The following INPP4B variants were observed in gnomAD, a reference collection of about 807,000 sequenced individuals.
INPP4B encodes the protein inositol polyphosphate-4-phosphatase type II B.
Under a neutral mutation model 122.5 loss-of-function variants are expected in INPP4B, and 55 were observed. The ratio of observed to expected loss-of-function variants is 0.45; its 90% confidence interval spans 0.36 to 0.56. The LOEUF is 0.56. Among genes scored for constraint, INPP4B ranks in the 20% least tolerant of loss-of-function variants. The probability of loss-of-function intolerance (pLI) is 0.00; values close to 1 mark genes in which losing one functional copy is unlikely to be tolerated. For missense variants in INPP4B, 1,000 were observed against 1,097.7 expected (o/e 0.91, Z 1.26); for synonymous variants, 403 against 388.7 (o/e 1.04, Z -0.43).
chr4:142,495,024 C>T (rs954491499), intron 2 of INPP4B, among the ~76,000 whole-genome samples: 1 of 152,116 alleles, frequency 6.6e-6, no homozygotes, highest in Non-Finnish European at 1.5e-5. Context: ...GGAAGGATAG[C>T]TTGGAAAGCA....
intron 7 of INPP4B, among the ~76,000 whole-genome samples, chr4:142,330,550 C>T (rs764057606): frequency 2.0e-5 from 3 of 152,064 alleles, no homozygotes; most frequent in East Asian, 1.9e-4. Context: ...CACACATACA[C>T]GCGCACGCAC....
intron 2 of INPP4B, among the ~76,000 whole-genome samples, chr4:142,671,164 A>G (rs1272864225): frequency 6.6e-6 from 1 of 152,132 alleles, no homozygotes; most frequent in Non-Finnish European, 1.5e-5. Context: ...GGCTTGTCAT[A>G]TGGAAAATCA....
In INPP4B at chr4:142,628,610, G is replaced by A. The variant is rs750609618; in HGVS notation, c.-191+97229C>T. On this transcript the variant is annotated intron_variant, in intron 2 of 25. Coordinates refer to ENST00000262992, the MANE Select transcript of INPP4B (RefSeq NM_001101669.3). Reference sequence around the variant, plus strand: ...TGTTCTTTGATTGTCACTTGCTACCGCACCATTTCCCTGCCATGATTATTC... The same window carrying A: ...TGTTCTTTGATTGTCACTTGCTACCACACCATTTCCCTGCCATGATTATTC... 1.1e-3 allele frequency among the ~76,000 whole-genome samples: 159 copies of A among 145,398 alleles called. 2 individuals are homozygous for A. The highest frequency in any genetic ancestry group is 1.5e-3 in the Non-Finnish European group (103 of 66,746).
At chr4:142,731,830 T>G (rs1766140570) in intron 1 of INPP4B, among the ~76,000 whole-genome samples, 1 of 151,920 alleles carries the variant, frequency 6.6e-6, no homozygotes, top group Non-Finnish European at 1.5e-5. Context: ...TAGGGTGCAT[T>G]AGTGGAGGAC....
At chr4:142,483,688 G>T (rs538187944) in intron 2 of INPP4B, among the ~76,000 whole-genome samples, 17 of 152,186 alleles carry the variant, frequency 1.1e-4, no homozygotes, top group African/African-American at 3.9e-4. Context: ...AACCAGAATA[G>T]ATTTATTGAA....
chr4:142,106,631 CTT>C (rs1484255031), intron 23 of INPP4B, among the ~76,000 whole-genome samples: 2 of 152,174 alleles, frequency 1.3e-5, no homozygotes, highest in Non-Finnish European at 2.9e-5. Flanking sequence ...TCCTCACAGA[CTT>C]TGCCAACAAT....
At chr4:142,653,132 C>T (rs1753374379) in intron 2 of INPP4B, among the ~76,000 whole-genome samples, 2 of 152,122 alleles carry the variant, frequency 1.3e-5, no homozygotes, top group South Asian at 4.1e-4. Flanking sequence ...GAAAGGATCC[C>T]CTATTAATAA....
At chr4:142,456,596 G>T (rs1051459336) in intron 3 of INPP4B, among the ~76,000 whole-genome samples, 2 of 151,810 alleles carry the variant, frequency 1.3e-5, no homozygotes, top group African/African-American at 4.8e-5. Context: ...TCTTCATATA[G>T]AATATAAAAT....
At chr4:142,767,615 G>A (rs1313996418) in intron 1 of INPP4B, 1 of 152,138 alleles carries the variant, frequency 6.6e-6, no homozygotes, top group African/African-American at 2.4e-5. Flanking sequence ...CTCCAAAATA[G>A]AACATGACAA....
At chr4:142,411,866 T>C (rs553673495) in intron 5 of INPP4B, among the ~76,000 whole-genome samples, 1 of 152,296 alleles carries the variant, frequency 6.6e-6, no homozygotes, top group East Asian at 1.9e-4. Flanking sequence ...CACTCTAGCC[T>C]GGGTGACAGA....
At chr4:142,265,476 T>C (rs1440437607) in intron 10 of INPP4B, among the ~76,000 whole-genome samples, 1 of 152,220 alleles carries the variant, frequency 6.6e-6, no homozygotes, top group African/African-American at 2.4e-5. Flanking sequence ...TTAGCAGATG[T>C]ACAAGGGTCC....
intron 2 of INPP4B, among the ~76,000 whole-genome samples, chr4:142,633,931 C>T (rs1560895691): frequency 6.6e-6 from 1 of 151,948 alleles, no homozygotes; most frequent in Admixed American, 6.6e-5. Flanking sequence ...GAGACTGAGG[C>T]AGGAGGATCA....
In INPP4B at chr4:142,717,892, T is replaced by C. The variant is rs375907770; in HGVS notation, c.-191+7947A>G. Reference sequence around the variant, plus strand: ...TACCTTAGAACTTAACATATAATAATAAGAAAAAAGAAAGCAAAAAAAAAA... The same window carrying C: ...TACCTTAGAACTTAACATATAATAACAAGAAAAAAGAAAGCAAAAAAAAAA... On this transcript the variant is annotated intron_variant, in intron 2 of 25. Transcript: ENST00000262992. Among the ~76,000 whole-genome samples the C allele has an allele frequency of 7.7e-5, 3 of 38,728 alleles. No individual in the cohort carries two copies. In the East Asian group the frequency reaches 1.6e-3, roughly 21 times the overall value. 25.4% of individuals were successfully genotyped at this position (38,728 alleles called of 152,430 possible).
intron 18 of INPP4B, among the ~76,000 whole-genome samples, chr4:142,137,141 A>G (rs1804843427): frequency 6.6e-6 from 1 of 152,202 alleles, no homozygotes; most frequent in East Asian, 1.9e-4. Flanking sequence ...ACTATACTAC[A>G]AGGCTACAGT....
At chr4:142,535,657 C>A (rs1580310666) in intron 2 of INPP4B, among the ~76,000 whole-genome samples, 1 of 152,132 alleles carries the variant, frequency 6.6e-6, no homozygotes, top group Non-Finnish European at 1.5e-5. Flanking sequence ...CTGTTTGGTG[C>A]ATGGTAGGGG....
At chr4:142,731,927 A>G (rs1766151231) in intron 1 of INPP4B, among the ~76,000 whole-genome samples, 1 of 152,188 alleles carries the variant, frequency 6.6e-6, no homozygotes, top group Admixed American at 6.6e-5. Context: ...GTTCTCAAAT[A>G]CCATGAATAG....
chr4:142,806,278 CAAAAAAAAAAAA>C (rs1175185594), intron 1 of INPP4B, among the ~76,000 whole-genome samples: 12 of 53,610 alleles, frequency 2.2e-4, no homozygotes, highest in Admixed American at 5.8e-4. Context: ...GACTCCGTCT[CAAAAAAAAAAAA>C]AAAAAAAAAA....
intron 25 of INPP4B, among the ~76,000 whole-genome samples, chr4:142,042,058 A>G (rs948908157): frequency 6.6e-6 from 1 of 152,160 alleles, no homozygotes; most frequent in East Asian, 1.9e-4. Flanking sequence ...CTCCATAGCC[A>G]TCCATCAGCA....
At chr4:142,056,809 A>C (rs183106516) in intron 25 of INPP4B, among the ~76,000 whole-genome samples, 1 of 152,262 alleles carries the variant, frequency 6.6e-6, no homozygotes, top group Non-Finnish European at 1.5e-5. Flanking sequence ...AATAGGGTAC[A>C]TTCATTAGCT....
Sources: gnomAD v4.1 joint callset for allele counts (sites outside exome capture counted in the v4.1 genomes callset) on GRCh38, gnomAD v4.1.1 for gene constraint, MANE v1.5 for transcripts, NCBI Gene and HGNC (gene_info 2026-07-23, HGNC 2026-07-21) for gene names.